Variants in UGT2B15 observed in about 807,000 individuals in gnomAD.
The protein encoded by UGT2B15 is UDP-glucuronosyltransferase 2B15.
A neutral mutation model predicts 45.9 loss-of-function variants in UGT2B15; 36 were observed. The ratio of observed to expected loss-of-function variants is 0.78; its 90% CI spans 0.60 to 1.04. UGT2B15 has a LOEUF of 1.04. UGT2B15 is among the 50% of genes least tolerant of loss of function. UGT2B15 has a pLI of 0.00. For synonymous variants in UGT2B15, 219 were observed against 216.4 expected (o/e 1.01, Z -0.11); for missense variants, 617 against 622.4 (o/e 0.99, Z 0.09).
At chr4:68,651,242 A>T (rs1200540037) in intron 5 of UGT2B15, among the ~76,000 whole-genome samples, 1 of 151,988 alleles carries the variant, frequency 6.6e-6, no homozygotes, top group Non-Finnish European at 1.5e-5. Context: ...TATGTCCTGA[A>T]TGATATTGCC....
In UGT2B15 at chr4:68,670,500, T is replaced by A. The variant is rs1733279680; in HGVS notation, c.119A>T (p.Lys40Met). 1 of 1,614,016 alleles carries A rather than the reference T, an allele frequency of 6.2e-7. No individual in the cohort carries two copies. The highest frequency in any genetic ancestry group is 8.5e-7 in the Non-Finnish European group (1 of 1,179,962). The change falls in exon 1 of 6, where the codon AAG (lysine) becomes ATG (methionine). Residue 40 changes from lysine (K) to methionine (M), a missense_variant. Physicochemically the swap from Lys to Met is moderately conservative, Grantham distance 95. Coordinates refer to ENST00000338206, the MANE Select transcript of UGT2B15 (RefSeq NM_001076.4). ...PTEYSHWINM[K>M]TILEELVQRG... ...CTGAACAAGCTCTTCCAGGATTGTC[T>A]TCATATTTATCCAATGGCTGTATTC... is the stretch of plus-strand genomic sequence containing the variant.
intron 5 of UGT2B15, among the ~76,000 whole-genome samples, chr4:68,649,515 A>G (rs1023522483): frequency 2.0e-5 from 3 of 151,684 alleles, no homozygotes; most frequent in Non-Finnish European, 4.4e-5. Flanking sequence ...TCCTGACCTC[A>G]TGTGATCCTC....
chr4:68,667,657 T>C (rs1187287547), intron 2 of UGT2B15, among the ~76,000 whole-genome samples: 1 of 152,188 alleles, frequency 6.6e-6, no homozygotes, highest in East Asian at 1.9e-4. Flanking sequence ...ATTCTATCTT[T>C]CAAAGTACAA....
rs186474320 is a variant in UGT2B15 at position 68,649,570 on chromosome 4, C to A, written c.1314-2187G>T. Among the ~76,000 whole-genome samples, 805 of 151,906 alleles carry A rather than the reference C, an allele frequency of 5.3e-3. 8 individuals carry two copies. Among genetic ancestry groups the A allele is most frequent in the African/African-American group, 0.018 (752 of 41,432 alleles). On this transcript the variant is annotated intron_variant, in intron 5 of 5. Transcript: ENST00000338206. ...TGTCGGGATTACAGGTGTGAGCCAC[C>A]ACACCCGGTCTCCATAAACTCTTTT...
At chr4:68,661,901 C>G (rs1732978198) in intron 3 of UGT2B15, among the ~76,000 whole-genome samples, 1 of 152,092 alleles carries the variant, frequency 6.6e-6, no homozygotes, top group Admixed American at 6.6e-5. Flanking sequence ...ATCTTTCACA[C>G]TTAGATGATG....
chr4:68,665,799 C>T (rs563085504), intron 2 of UGT2B15, among the ~76,000 whole-genome samples: 45 of 152,264 alleles, frequency 3.0e-4, no homozygotes, highest in South Asian at 8.3e-4. Context: ...GTAATCCCAG[C>T]ACTTTGGGAG....
rs755628584 is a variant in UGT2B15, at chr4:68,647,308, G to T, written c.1389C>A (p.Phe463Leu). 10 of 1,613,802 alleles carry T rather than the reference G, an allele frequency of 6.2e-6. No homozygotes were observed. The South Asian group carries it at 1.1e-4, about 18-fold the overall frequency. Reference protein sequence around the residue: ...QPMKPLDRAVFWIEFVMRHKG... With the variant: ...QPMKPLDRAVLWIEFVMRHKG... ...TGTGGCGCATGACAAACTCAATCCA[G>T]AAGACTGCTCGATCCAGGGGCTTCA... Residue 463 changes from phenylalanine to leucine, a missense_variant, in exon 6 of 6, where the codon TTC becomes TTA. Physicochemically the swap from Phe to Leu is conservative, Grantham distance 22 (BLOSUM62 0). Around this residue, in one of 3 missense-constraint regions of UGT2B15, gnomAD observed 265 missense variants for 245.1 expected, o/e 1.08. Transcript: ENST00000338206.
At chr4:68,667,377 C>T (rs892691695) in intron 2 of UGT2B15, among the ~76,000 whole-genome samples, 21 of 151,842 alleles carry the variant, frequency 1.4e-4, no homozygotes, top group African/African-American at 4.8e-5. Context: ...GGTTTTACCA[C>T]GTTTCCCAGG....
rs145139175 is a variant in UGT2B15 at position 68,668,135 on chromosome 4, G to A, written c.778C>T (p.Arg260Ter). 7.4e-6 allele frequency: 12 copies of A among 1,613,582 alleles called. No homozygotes were observed. Among genetic ancestry groups the A allele is most frequent in the South Asian group, 2.2e-5 (2 of 91,046 alleles). ...GGAAATTCAAAATCCCAATAGGTTC[G>A]AATGAGCCACATTTCAGCTTTCCCC... ...TMGKAEMWLI[R>*]TYWDFEFPRP... The change falls in exon 2 of 6, where the codon CGA (arginine) becomes TGA (stop). Residue 260 changes from arginine to a stop codon, truncating the protein, a stop_gained. Coordinates refer to ENST00000338206, the MANE Select transcript of UGT2B15 (RefSeq NM_001076.4). LOFTEE classifies it high-confidence loss of function.
intron 2 of UGT2B15, among the ~76,000 whole-genome samples, chr4:68,664,344 A>G (rs1178395316): frequency 2.7e-5 from 4 of 150,812 alleles, no homozygotes; most frequent in Non-Finnish European, 5.9e-5. Context: ...TCAAAATTGT[A>G]TACTCATCTT....
intron 3 of UGT2B15, among the ~76,000 whole-genome samples, chr4:68,662,480 A>C (rs1732995111): frequency 6.9e-6 from 1 of 145,876 alleles, no homozygotes; most frequent in South Asian, 2.2e-4. Context: ...TCTGAATGGC[A>C]CCCTGAACAG....
chr4:68,651,300 C>A (rs1732648053), intron 5 of UGT2B15, among the ~76,000 whole-genome samples: 1 of 152,042 alleles, frequency 6.6e-6, no homozygotes, highest in African/African-American at 2.4e-5. Flanking sequence ...ACATTTAAGT[C>A]TTTAATCCAT....
chr4:68,655,347 T>C (rs776089500), intron 3 of UGT2B15, among the ~76,000 whole-genome samples, 165 bp from the exon 4 acceptor site: 2 of 152,156 alleles, frequency 1.3e-5, no homozygotes, highest in Non-Finnish European at 2.9e-5. Context: ...TTGAGGTAAG[T>C]TGAATACCCA....
chr4:68,654,983 TG>T (rs1429336131), intron 4 of UGT2B15, 111 bp downstream of exon 4: 2 of 1,327,480 alleles, frequency 1.5e-6, no homozygotes, highest in Non-Finnish European at 2.1e-6. Flanking sequence ...AAATTTGATT[TG>T]TTTTTTAGTT....
At chr4:68,667,465 C>T (rs7654523) in intron 2 of UGT2B15, among the ~76,000 whole-genome samples, 30,944 of 152,082 alleles carry the variant, frequency 0.2, 3,825 homozygotes, top group South Asian at 0.38. Flanking sequence ...TGTGAGCCAC[C>T]TTGCCTGGCC....
chr4:68,668,133 T>A lies in UGT2B15; in HGVS notation c.780A>T (p.Arg260=), dbSNP rs1212064580. The change falls in exon 2 of 6, where the codon CGA becomes CGT. Residue 260 remains arginine (R), a synonymous_variant. Transcript: ENST00000338206. ...TMGKAEMWLI[R]TYWDFEFPRP... is the part of the protein sequence containing the mutation. The stretch of plus-strand genomic sequence containing the variant: ...GAGGAAATTCAAAATCCCAATAGGT[T>A]CGAATGAGCCACATTTCAGCTTTCC... 3.7e-6 allele frequency: 6 copies of A among 1,613,858 alleles called. No individual in the cohort carries two copies. Among genetic ancestry groups the A allele is most frequent in the Non-Finnish European group, 5.1e-6 (6 of 1,179,850 alleles).
At chr4:68,650,328 TG>T (rs996805813) in intron 5 of UGT2B15, among the ~76,000 whole-genome samples, 7 of 151,872 alleles carry the variant, frequency 4.6e-5, no homozygotes, top group African/African-American at 1.7e-4. Context: ...TCCCCCGGTG[TG>T]TGTTGTTCCC....
Position 68,669,719 on chromosome 4 carries a change from C to T in UGT2B15, c.724+176G>A, listed in dbSNP as rs371271388. On this transcript the variant is annotated intron_variant, in intron 1 of 5. Coordinates refer to ENST00000338206, the MANE Select transcript of UGT2B15 (RefSeq NM_001076.4). ...AGTAGTGATGGCCCCAGGGTTCTAA[C>T]TGATTCTATAAGGTCAACATTCTAT... is the stretch of plus-strand genomic sequence containing the variant. 4.1e-4 allele frequency among the ~76,000 whole-genome samples: 63 copies of T among 152,246 alleles called. 3 individuals carry two copies. The South Asian group carries it at 0.013, about 31-fold the overall frequency.
chr4:68,648,844 T>A (rs1301900017), intron 5 of UGT2B15, among the ~76,000 whole-genome samples: 1 of 152,110 alleles, frequency 6.6e-6, no homozygotes, highest in Non-Finnish European at 1.5e-5. Context: ...TTAGCAGTTG[T>A]TTAATAGCAT....
Sources: allele counts gnomAD v4.1 joint callset (sites outside exome capture counted in the v4.1 genomes callset), GRCh38; gene constraint gnomAD v4.1.1; regional missense constraint gnomAD v4.1.1; transcripts MANE v1.5; gene names NCBI Gene and HGNC (gene_info 2026-07-23, HGNC 2026-07-21).